The following DLC1 variants were observed in gnomAD, a reference collection of about 807,000 sequenced individuals.
DLC1 encodes rho GTPase-activating protein 7.
DLC1 carries 54 observed loss-of-function variants against 140.3 expected under a neutral mutation model. That is an observed-to-expected ratio of 0.38 (90% CI 0.31 to 0.48). The LOEUF (loss-of-function observed/expected upper bound fraction) is 0.48, where lower values mean the gene tolerates loss of function less well. Among genes scored for constraint, DLC1 ranks in the 20% least tolerant of loss-of-function variants. The pLI, the probability that DLC1 is intolerant of heterozygous loss-of-function variation, is 0.96. For synonymous variants in DLC1, 986 were observed against 728.1 expected, an observed-to-expected ratio of 1.35 and a Z score of -5.70; for missense variants, 2,536 against 1,907.0, an observed-to-expected ratio of 1.33 and a Z score of -6.14.
intron 1 of DLC1, among the ~76,000 whole-genome samples, chr8:13,544,661 C>G (rs1018877321): frequency 6.6e-6 from 1 of 151,976 alleles, no homozygotes; most frequent in African/African-American, 2.4e-5. Flanking sequence ...AGCCTGTGTT[C>G]GAGATGAAGA....
At chr8:13,090,548 G>C in intron 14 of DLC1, 78 bp from the exon 15 acceptor site, 2 of 1,529,662 alleles carry the variant, frequency 1.3e-6, no homozygotes, top group South Asian at 2.5e-5. Flanking sequence ...GAAAAGACTG[G>C]GTAGGAACAA....
intron 7 of DLC1, among the ~76,000 whole-genome samples, chr8:13,106,531 T>C (rs1322804405): frequency 6.6e-6 from 1 of 152,140 alleles, no homozygotes; most frequent in Non-Finnish European, 1.5e-5. Flanking sequence ...TTCTTTATTA[T>C]AGAAATGGGG....
chr8:13,421,855 G>A (rs1838335733), intron 2 of DLC1, among the ~76,000 whole-genome samples: 1 of 152,040 alleles, frequency 6.6e-6, no homozygotes, highest in African/African-American at 2.4e-5. Context: ...GAATCTCTCT[G>A]GCACAGGGAA....
chr8:13,383,352 G>T (rs1215235621), intron 4 of DLC1, among the ~76,000 whole-genome samples: 1 of 152,120 alleles, frequency 6.6e-6, no homozygotes, highest in African/African-American at 2.4e-5. Context: ...CTGTATGTTG[G>T]GTGAGTTTGC....
chr8:13,556,650 A>C (rs1804056057), intron 1 of DLC1, among the ~76,000 whole-genome samples: 1 of 152,140 alleles, frequency 6.6e-6, no homozygotes, highest in Admixed American at 6.5e-5. Context: ...GTAGGGCCTG[A>C]TACAGACATA....
rs560772362 is a variant in DLC1 at position 13,287,022 on chromosome 8, C to T, written c.1348+18247G>A. Among the ~76,000 whole-genome samples, 15 of 152,284 alleles carry T rather than the reference C, an allele frequency of 9.9e-5. No homozygotes were observed. The South Asian group carries it at 3.1e-3, about 32-fold the overall frequency. ...AGGCCATGGAGATTTTTAGCAAATG[C>T]TTCTTTTGTACAGATTCTTTTGTGT... is the stretch of plus-strand genomic sequence containing the variant. On this transcript the variant is annotated intron_variant, in intron 5 of 17. Coordinates refer to ENST00000276297, the MANE Select transcript of DLC1 (RefSeq NM_182643.3).
At position 13,499,042 on chromosome 8, in the gene DLC1, G is replaced by T; in HGVS notation, c.1023+7C>A. The stretch of plus-strand genomic sequence containing the variant: ...CAAAAGCCAGAGAATCTGTGCATAT[G>T]TCTTACCTTTCTCTTACGAAGTCTG... On this transcript the variant is annotated splice_region_variant and intron_variant, in intron 2 of 17. Transcript: ENST00000276297. 6.2e-7 allele frequency: 1 copy of T among 1,604,088 alleles called. No homozygotes were observed. Among genetic ancestry groups the T allele is most frequent in the Non-Finnish European group, 8.5e-7 (1 of 1,176,220 alleles).
intron 4 of DLC1, among the ~76,000 whole-genome samples, chr8:13,314,546 T>C (rs1832792880): frequency 6.6e-6 from 1 of 152,110 alleles, no homozygotes; most frequent in Non-Finnish European, 1.5e-5. Context: ...GGTTAATTAC[T>C]ACCAATTATA....
intron 5 of DLC1, chr8:13,276,944 A>G (rs886520862): frequency 2.6e-5 from 4 of 152,314 alleles, no homozygotes; most frequent in African/African-American, 9.6e-5. Flanking sequence ...TGAGATAGGA[A>G]GTTCAACCTT....
intron 4 of DLC1, among the ~76,000 whole-genome samples, chr8:13,382,279 G>A (rs966548633): frequency 6.6e-5 from 10 of 151,660 alleles, no homozygotes; most frequent in South Asian, 4.2e-4. Flanking sequence ...AGGCCGAGGC[G>A]GGCGGATCAC....
chr8:13,378,336 A>G (rs1400849760), intron 4 of DLC1, among the ~76,000 whole-genome samples: 2 of 151,730 alleles, frequency 1.3e-5, no homozygotes, highest in African/African-American at 4.8e-5. Context: ...TCTAAATGCG[A>G]TAGAATTTTA....
chr8:13,197,677 T>C (rs1409216553), intron 5 of DLC1, among the ~76,000 whole-genome samples: 2 of 152,038 alleles, frequency 1.3e-5, no homozygotes, highest in African/African-American at 4.8e-5. Context: ...GTAAAAATTA[T>C]TGCTTAACAA....
At chr8:13,288,636 C>G (rs1374864763) in intron 5 of DLC1, among the ~76,000 whole-genome samples, 2 of 152,222 alleles carry the variant, frequency 1.3e-5, no homozygotes, top group African/African-American at 4.8e-5. Flanking sequence ...GCTCAGCAGG[C>G]TATCAGCATC....
chr8:13,179,038 T>C (rs1291363167), intron 5 of DLC1, among the ~76,000 whole-genome samples: 2 of 152,080 alleles, frequency 1.3e-5, no homozygotes, highest in Non-Finnish European at 2.9e-5. Flanking sequence ...CCATCAACAA[T>C]AGAACAGATA....
chr8:13,571,471 C>G (rs114974946), intron 1 of DLC1, among the ~76,000 whole-genome samples: 423 of 152,310 alleles, frequency 2.8e-3, no homozygotes, highest in African/African-American at 9.9e-3. Context: ...CAGTCTTTGT[C>G]ATTTTGTGTC....
intron 4 of DLC1, among the ~76,000 whole-genome samples, chr8:13,351,210 C>G (rs919542017): frequency 1.4e-4 from 22 of 152,154 alleles, no homozygotes; most frequent in Non-Finnish European, 2.9e-5. Context: ...GTCCTAAGTG[C>G]TTTATATGAA....
chr8:13,592,859 G>A (rs1055422899), intron 1 of DLC1, among the ~76,000 whole-genome samples: 1 of 152,030 alleles, frequency 6.6e-6, no homozygotes, highest in Non-Finnish European at 1.5e-5. Flanking sequence ...TGCCATGTTA[G>A]CGTCCCAATT....
chr8:13,335,254 T>C (rs1056561266), intron 4 of DLC1, among the ~76,000 whole-genome samples: 20 of 152,070 alleles, frequency 1.3e-4, no homozygotes, highest in African/African-American at 4.6e-4. Context: ...GTGTGAGAAA[T>C]AGCAGCTAGC....
intron 5 of DLC1, among the ~76,000 whole-genome samples, chr8:13,224,094 C>T (rs768291683): frequency 6.6e-6 from 1 of 152,122 alleles, no homozygotes; most frequent in African/African-American, 2.4e-5. Context: ...CAACTTTTTC[C>T]TTTGACAAAA....
Sources: gnomAD v4.1 joint callset for allele counts (sites outside exome capture counted in the v4.1 genomes callset) on GRCh38, gnomAD v4.1.1 for gene constraint, MANE v1.5 for transcripts, NCBI Gene and HGNC (gene_info 2026-07-23, HGNC 2026-07-21) for gene names.